Variants in G3BP1 observed in about 807,000 individuals in gnomAD.
The protein encoded by G3BP1 is G3BP stress granule assembly factor 1, also known as ras GTPase-activating protein-binding protein 1.
G3BP1 carries 35 observed loss-of-function variants against 58.6 expected under a neutral mutation model. The observed-to-expected ratio is 0.60, with a 90% CI of 0.46 to 0.79. G3BP1 has a LOEUF of 0.79. Among genes scored for constraint, G3BP1 ranks in the 30% least tolerant of loss-of-function variants. G3BP1 has a pLI of 0.00. For synonymous variants in G3BP1, 191 were observed against 195.4 expected (o/e 0.98, Z 0.19); for missense variants, 523 against 580.8 (o/e 0.90, Z 1.02).
intron 2 of G3BP1, among the ~76,000 whole-genome samples, chr5:151,789,737 T>C (rs1329369084): frequency 6.6e-6 from 1 of 152,182 alleles, no homozygotes; most frequent in Non-Finnish European, 1.5e-5. Context: ...TTGGTGGCCA[T>C]CTTGACATGA....
intron 4 of G3BP1, among the ~76,000 whole-genome samples, chr5:151,793,596 T>C (rs1265423363): frequency 6.6e-6 from 1 of 152,082 alleles, no homozygotes; most frequent in Non-Finnish European, 1.5e-5. Flanking sequence ...CTGTTGACAT[T>C]TTGGATTAAC....
intron 1 of G3BP1, among the ~76,000 whole-genome samples, chr5:151,779,863 G>C (rs1762436841): frequency 6.6e-6 from 1 of 152,218 alleles, no homozygotes. Flanking sequence ...TGGACATGTA[G>C]ATTGTTATCA....
chr5:151,799,712 G>A (rs1762817160), intron 8 of G3BP1, among the ~76,000 whole-genome samples, 177 bp from the exon 9 acceptor site: 1 of 151,526 alleles, frequency 6.6e-6, no homozygotes, highest in Admixed American at 6.6e-5. Context: ...CCAAATCAAT[G>A]TAGAAACAGA....
chr5:151,806,836 G>A lies in G3BP1; in HGVS notation c.*2745G>A, dbSNP rs1183749584. On this transcript the variant is annotated 3_prime_UTR_variant, in exon 12 of 12. Coordinates refer to ENST00000356245, the MANE Select transcript of G3BP1 (RefSeq NM_005754.3). ...TTTTATAGAGGCAAGGTCTTGCTAT[G>A]TTGTCAGGCTGGTCTCAAGCTCCTG... is the stretch of plus-strand genomic sequence containing the variant. The A allele has an allele frequency of 1.3e-5, 2 of 152,022 alleles. No individual in the cohort carries two copies. Among genetic ancestry groups the A allele is most frequent in the African/African-American group, 2.4e-5 (1 of 41,376 alleles). 9.4% of individuals were successfully genotyped at this position (152,022 alleles called of 1,614,324 possible).
chr5:151,780,883 T>C (rs1762459343), intron 1 of G3BP1, among the ~76,000 whole-genome samples: 2 of 152,158 alleles, frequency 1.3e-5, no homozygotes. Flanking sequence ...ATGGGGAGTT[T>C]CTTTGAAGTT....
Position 151,809,690 on chromosome 5 carries a change from A to G in G3BP1, c.*5599A>G, listed in dbSNP as rs1487966473. 2 of 152,180 alleles carry G rather than the reference A, an allele frequency of 1.3e-5. No homozygotes were observed. The highest frequency in any genetic ancestry group is 2.4e-5 in the African/African-American group (1 of 41,456). The allele number at this position is 152,180 out of a possible 1,614,324, so 9.4% of individuals were successfully genotyped here. A position where few individuals can be genotyped will look rare whatever the true frequency, so the allele number is the denominator to read the frequency against. On this transcript the variant is annotated 3_prime_UTR_variant, in exon 12 of 12. Coordinates refer to ENST00000356245, the MANE Select transcript of G3BP1 (RefSeq NM_005754.3). ...AGAGAATTGGTTAGTAGAGTCCCAAATCTGCTTTTAGAAGTAATATGGTGA... is the reference window on the plus strand; with the variant it reads ...AGAGAATTGGTTAGTAGAGTCCCAAGTCTGCTTTTAGAAGTAATATGGTGA...
intron 7 of G3BP1, among the ~76,000 whole-genome samples, chr5:151,798,715 G>A (rs1762796750): frequency 6.6e-6 from 1 of 152,136 alleles, no homozygotes; most frequent in South Asian, 2.1e-4. Context: ...TTTAATCCCA[G>A]CACTTTGGGA....
intron 1 of G3BP1, among the ~76,000 whole-genome samples, chr5:151,783,481 C>G (rs988657992): frequency 6.6e-6 from 1 of 150,470 alleles, no homozygotes. Flanking sequence ...AATCTTGGCT[C>G]GCTGCAACCT....
chr5:151,790,802 TGTG>T (rs1762638159), intron 3 of G3BP1, 84 bp from the exon 4 acceptor site: 1 of 737,252 alleles, frequency 1.4e-6, no homozygotes, highest in Non-Finnish European at 2.2e-6. Context: ...CTCTTTGTGT[TGTG>T]TTGGAAGGTT....
At chr5:151,784,271 T>C (rs1762520938) in intron 1 of G3BP1, among the ~76,000 whole-genome samples, 1 of 152,124 alleles carries the variant, frequency 6.6e-6, no homozygotes, top group Non-Finnish European at 1.5e-5. Flanking sequence ...TAATTTTTTT[T>C]TCTTCATTTT....
chr5:151,793,490 A>G (rs1481622141), intron 4 of G3BP1, among the ~76,000 whole-genome samples: 1 of 152,058 alleles, frequency 6.6e-6, no homozygotes, highest in Non-Finnish European at 1.5e-5. Flanking sequence ...TTGGATATTT[A>G]TCTTGTGGTG....
chr5:151,795,584 A>C lies in G3BP1; in HGVS notation c.539+9A>C. 1 of 1,451,762 alleles carries C rather than the reference A, an allele frequency of 6.9e-7. No individual in the cohort carries two copies. The highest frequency in any genetic ancestry group is 9.7e-7 in the Non-Finnish European group (1 of 1,034,312). The allele number at this position is 1,451,762 out of a possible 1,614,324, so 89.9% of individuals were successfully genotyped here. On this transcript the variant is annotated intron_variant, in intron 6 of 11. Coordinates refer to ENST00000356245, the MANE Select transcript of G3BP1 (RefSeq NM_005754.3). ...GATCAGGCAGTTGTCAGGTAAGAAG[A>C]TTTTGTTCACATGTCCGGGGCTGCA...
chr5:151,793,326 C>A (rs974374314), intron 4 of G3BP1, among the ~76,000 whole-genome samples: 4 of 152,134 alleles, frequency 2.6e-5, no homozygotes, highest in African/African-American at 9.7e-5. Flanking sequence ...CCAGGCTGGT[C>A]TTGAACTCCT....
chr5:151,804,207 TG>T lies in G3BP1; in HGVS notation c.*117del. The T allele has an allele frequency of 1.5e-6, 1 of 656,044 alleles. No homozygotes were observed. 40.6% of individuals were successfully genotyped at this position (656,044 alleles called of 1,614,324 possible). ...CAGTCTGTTATAAACTGCTTAAGTT[TG>T]TATAATTTTACTTTTTTTGTGTGTT... On this transcript the variant is annotated 3_prime_UTR_variant, in exon 12 of 12. Coordinates refer to ENST00000356245, the MANE Select transcript of G3BP1 (RefSeq NM_005754.3).
At chr5:151,772,173 C>T (rs1268540131) in intron 1 of G3BP1, 137 bp downstream of exon 1, 1 of 149,870 alleles carries the variant, frequency 6.7e-6, no homozygotes, top group Non-Finnish European at 1.5e-5. Flanking sequence ...ACCCCAACGG[C>T]CGCAGGCGCG....
At chr5:151,802,435 G>A (rs558438834) in intron 11 of G3BP1, among the ~76,000 whole-genome samples, 1 of 152,294 alleles carries the variant, frequency 6.6e-6, no homozygotes, top group East Asian at 1.9e-4. Flanking sequence ...AAGACTGATT[G>A]CCGTGGTGTA....
chr5:151,791,835 T>G (rs1343284466), intron 4 of G3BP1: 1 of 303,104 alleles, frequency 3.3e-6, no homozygotes, highest in Non-Finnish European at 6.5e-6. Context: ...TTTAGTATTT[T>G]TAGTAGTGAT....
chr5:151,784,939 G>C (rs887689018), intron 1 of G3BP1, among the ~76,000 whole-genome samples: 2 of 152,202 alleles, frequency 1.3e-5, no homozygotes, highest in Non-Finnish European at 2.9e-5. Context: ...CAGTACAAGA[G>C]TGTTGAAAAT....
intron 1 of G3BP1, among the ~76,000 whole-genome samples, chr5:151,782,848 T>C (rs1015926134): frequency 2.3e-5 from 3 of 131,922 alleles, no homozygotes; most frequent in Non-Finnish European, 3.2e-5. Flanking sequence ...CTGTGACTCA[T>C]CTTTTTTTTT....
Sources: gnomAD v4.1 joint callset for allele counts (sites outside exome capture counted in the v4.1 genomes callset) on GRCh38, gnomAD v4.1.1 for gene constraint, MANE v1.5 for transcripts, NCBI Gene and HGNC (gene_info 2026-07-23, HGNC 2026-07-21) for gene names.